Variants in TTC7B observed in about 807,000 individuals in gnomAD.
TTC7B encodes tetratricopeptide repeat protein 7B.
A neutral mutation model predicts 106.8 loss-of-function variants in TTC7B; 28 were observed. The ratio of observed to expected loss-of-function variants is 0.26; its 90% CI spans 0.19 to 0.36. TTC7B has a LOEUF of 0.36. TTC7B is among the 10% of genes least tolerant of loss of function. The pLI is 1.00. For synonymous variants in TTC7B, 405 were observed against 430.6 expected, an observed-to-expected ratio of 0.94 and a Z score of 0.74; for missense variants, 862 against 1,076.4, an observed-to-expected ratio of 0.80 and a Z score of 2.79.
chr14:90,640,333 G>A (rs1885121795), intron 15 of TTC7B, among the ~76,000 whole-genome samples: 1 of 152,010 alleles, frequency 6.6e-6, no homozygotes, highest in African/African-American at 2.4e-5. Flanking sequence ...AGAAACATGA[G>A]AGAATGATTA....
rs182947518 is a variant in TTC7B at position 90,533,740 on chromosome 14, G to A, written c.*7628C>T. 6.6e-6 allele frequency: 1 copy of A among 152,546 alleles called. No homozygotes were observed. The highest frequency in any genetic ancestry group is 1.9e-4 in the East Asian group (1 of 5,186). The allele number at this position is 152,546 out of a possible 1,614,324, so 9.4% of individuals were successfully genotyped here. Reference sequence around the variant, plus strand: ...TCAAGGGCCAAACAGCAGAAGATGAGGGAGACGAGGAGGGTGGTGGGGGCT... The same window carrying A: ...TCAAGGGCCAAACAGCAGAAGATGAAGGAGACGAGGAGGGTGGTGGGGGCT... On this transcript the variant is annotated 3_prime_UTR_variant, in exon 20 of 20. Transcript: ENST00000328459.
chr14:90,804,090 C>T (rs1485560256), intron 1 of TTC7B, among the ~76,000 whole-genome samples: 1 of 152,172 alleles, frequency 6.6e-6, no homozygotes, highest in Non-Finnish European at 1.5e-5. Context: ...AATCCCAGCA[C>T]TTTGGAAGGC....
intron 3 of TTC7B, among the ~76,000 whole-genome samples, chr14:90,753,635 C>A (rs1890199986): frequency 6.6e-6 from 1 of 152,196 alleles, no homozygotes; most frequent in African/African-American, 2.4e-5. Flanking sequence ...GACAGGGACG[C>A]CGGCCTGGAT....
chr14:90,813,550 G>C (rs1426005097), intron 1 of TTC7B, among the ~76,000 whole-genome samples: 1 of 152,026 alleles, frequency 6.6e-6, no homozygotes, highest in African/African-American at 2.4e-5. Context: ...TTTAAATCCC[G>C]TTCTAAAATG....
intron 5 of TTC7B, among the ~76,000 whole-genome samples, chr14:90,718,955 C>G (rs1888770777): frequency 1.3e-5 from 2 of 151,604 alleles, no homozygotes. Context: ...CTTCCCTCTT[C>G]TTTTGAGAAT....
At chr14:90,741,827 C>T (rs1889778554) in intron 4 of TTC7B, among the ~76,000 whole-genome samples, 1 of 152,148 alleles carries the variant, frequency 6.6e-6, no homozygotes, top group Admixed American at 6.5e-5. Flanking sequence ...TTCTTGAGTA[C>T]TTACTACAGT....
intron 9 of TTC7B, among the ~76,000 whole-genome samples, chr14:90,673,300 C>T (rs751833984): frequency 2.0e-5 from 3 of 152,202 alleles, no homozygotes; most frequent in Non-Finnish European, 4.4e-5. Flanking sequence ...TTCTAAGGCA[C>T]TTTTCTTTCC....
chr14:90,696,240 C>T (rs1887741848), intron 5 of TTC7B, among the ~76,000 whole-genome samples: 1 of 152,138 alleles, frequency 6.6e-6, no homozygotes, highest in South Asian at 2.1e-4. Flanking sequence ...CCCACAGGGA[C>T]ACATTTGGTG....
chr14:90,632,958 T>C (rs1197015776), intron 15 of TTC7B, among the ~76,000 whole-genome samples: 6 of 152,244 alleles, frequency 3.9e-5, no homozygotes, highest in Admixed American at 3.9e-4. Context: ...ATGTTATATA[T>C]GTTCACTTCT....
chr14:90,752,858 A>G, intron 3 of TTC7B, among the ~76,000 whole-genome samples: 1 of 152,234 alleles, frequency 6.6e-6, no homozygotes, highest in East Asian at 1.9e-4. Context: ...AGTGTTCAAT[A>G]ACAGCAATGA....
intron 1 of TTC7B, among the ~76,000 whole-genome samples, chr14:90,792,348 A>G (rs1891615650): frequency 6.6e-6 from 1 of 152,082 alleles, no homozygotes; most frequent in Non-Finnish European, 1.5e-5. Flanking sequence ...AGGCCGAGGC[A>G]GGTGGATCGC....
intron 4 of TTC7B, among the ~76,000 whole-genome samples, chr14:90,741,753 A>G (rs1042701059): frequency 6.6e-6 from 1 of 152,210 alleles, no homozygotes; most frequent in Admixed American, 6.5e-5. Context: ...CTTTCCACCA[A>G]GCCCATTGGT....
rs143743382 is a variant in TTC7B, at chr14:90,607,768, T to C, written c.1966+2974A>G. On this transcript the variant is annotated intron_variant, in intron 17 of 19. Transcript: ENST00000328459. The stretch of plus-strand genomic sequence containing the variant: ...AATAAGGCAATTCTCCACAGATGGG[T>C]ATGGAGGCATCTTCAGATACACTGT... Among the ~76,000 whole-genome samples, 861 of 152,206 alleles carry C rather than the reference T, an allele frequency of 5.7e-3. 9 individuals carry two copies. Among genetic ancestry groups the C allele is most frequent in the African/African-American group, 0.02 (817 of 41,506 alleles).
At chr14:90,671,684 T>C (rs1886639091) in intron 9 of TTC7B, among the ~76,000 whole-genome samples, 1 of 152,166 alleles carries the variant, frequency 6.6e-6, no homozygotes, top group African/African-American at 2.4e-5. Context: ...CTCACAGCAC[T>C]GGAGATATGG....
At chr14:90,786,973 A>C (rs1891414313) in intron 1 of TTC7B, among the ~76,000 whole-genome samples, 1 of 152,204 alleles carries the variant, frequency 6.6e-6, no homozygotes, top group Non-Finnish European at 1.5e-5. Context: ...TCTTTATAAA[A>C]CACACACAAA....
At chr14:90,769,726 AC>A (rs1440151663) in intron 3 of TTC7B, among the ~76,000 whole-genome samples, 1 of 151,938 alleles carries the variant, frequency 6.6e-6, no homozygotes, top group African/African-American at 2.4e-5. Context: ...CTGTAATCAC[AC>A]CACTGTGCTG....
intron 15 of TTC7B, among the ~76,000 whole-genome samples, chr14:90,621,119 G>A (rs1372941634): frequency 6.6e-6 from 1 of 152,184 alleles, no homozygotes; most frequent in African/African-American, 2.4e-5. Context: ...TGGGATGATG[G>A]GCAGAGGCCA....
At chr14:90,586,966 C>T (rs138026912) in intron 18 of TTC7B, among the ~76,000 whole-genome samples, 189 of 152,334 alleles carry the variant, frequency 1.2e-3, no homozygotes, top group African/African-American at 4.3e-3. Context: ...CAACATCCAA[C>T]CTACAACAAG....
intron 9 of TTC7B, among the ~76,000 whole-genome samples, chr14:90,671,847 G>C (rs4900055): frequency 5.6e-4 from 85 of 152,176 alleles, no homozygotes; most frequent in Middle Eastern, 3.4e-3. Context: ...AGAGGCGGCC[G>C]GTCTTGAGAT....
Sources: allele counts gnomAD v4.1 joint callset (sites outside exome capture counted in the v4.1 genomes callset), GRCh38; gene constraint gnomAD v4.1.1; transcripts MANE v1.5; gene names NCBI Gene and HGNC (gene_info 2026-07-23, HGNC 2026-07-21).